ANKEF1: variants seen among roughly 807,000 people sequenced by gnomAD.
ANKEF1 encodes ankyrin repeat and EF-hand domain-containing protein 1.
In ANKEF1, 43 loss-of-function variants were observed where a neutral mutation model predicts 65.1. The observed-to-expected ratio is 0.66, with a 90% CI of 0.52 to 0.85. ANKEF1 has a LOEUF of 0.85. Ranked by LOEUF, ANKEF1 falls within the 40% of genes least tolerant of loss-of-function variation. The pLI is 0.00. For synonymous variants in ANKEF1, 316 were observed against 341.5 expected, an observed-to-expected ratio of 0.93 and a Z score of 0.82; for missense variants, 934 against 952.9, an observed-to-expected ratio of 0.98 and a Z score of 0.26.
intron 6 of ANKEF1, among the ~76,000 whole-genome samples, chr20:10,047,858 T>C (rs141432090): frequency 7.2e-5 from 11 of 152,310 alleles, no homozygotes; most frequent in African/African-American, 2.6e-4. Flanking sequence ...TAAAGTGGGA[T>C]GTTGGAGTCT....
At chr20:10,040,927 T>C (rs1351798626) in intron 3 of ANKEF1, among the ~76,000 whole-genome samples, 2 of 152,200 alleles carry the variant, frequency 1.3e-5, no homozygotes, top group South Asian at 2.1e-4. Context: ...TCTTTGACTT[T>C]CTCTTTTCAA....
Position 10,049,906 on chromosome 20 carries a change from G to A in ANKEF1, c.1337G>A (p.Arg446Gln), listed in dbSNP as rs753092694. ...CVIPEYAFPRRQDGGPPYYMI... is the reference protein window; with the variant it reads ...CVIPEYAFPRQQDGGPPYYMI... ...ATTCCTGAGTACGCGTTTCCACGCC[G>A]GCAGGATGGTGGGCCACCGTATTAC... The change falls in exon 7 of 11, where the codon CGG becomes CAG. Residue 446 changes from arginine to glutamine, a missense_variant. Physicochemically the swap from Arg to Gln is conservative, Grantham distance 43 (BLOSUM62 1). Transcript: ENST00000378392. 1.9e-6 allele frequency: 3 copies of A among 1,614,150 alleles called. No homozygotes were observed. The highest frequency in any genetic ancestry group is 2.5e-6 in the Non-Finnish European group (3 of 1,180,024).
chr20:10,047,863 G>T (rs535016077), intron 6 of ANKEF1, among the ~76,000 whole-genome samples: 1 of 152,324 alleles, frequency 6.6e-6, no homozygotes, highest in Non-Finnish European at 1.5e-5. Flanking sequence ...TGGGATGTTG[G>T]AGTCTTTTAT....
Position 10,057,772 on chromosome 20 carries a change from C to T in ANKEF1, c.*2112C>T, listed in dbSNP as rs1985249897. On this transcript the variant is annotated 3_prime_UTR_variant, in exon 11 of 11. Transcript: ENST00000378392. ...TTAAGTGAACTATTTAATCTATAGA[C>T]CTTATTCAGATTTTGCTATTTATCC... 6.6e-6 allele frequency: 1 copy of T among 152,152 alleles called. No individual in the cohort carries two copies. Among genetic ancestry groups the T allele is most frequent in the Non-Finnish European group, 1.5e-5 (1 of 68,026 alleles). 9.4% of individuals were successfully genotyped at this position (152,152 alleles called of 1,614,324 possible).
Position 10,049,793 on chromosome 20 carries a change from A to G in ANKEF1, c.1224A>G (p.Leu408=), listed in dbSNP as rs1984740066. The change falls in exon 7 of 11, where the codon TTA becomes TTG. Residue 408 remains leucine (L), a synonymous_variant. Transcript: ENST00000378392. ...GATATTTAAACAAGTCTTTTGTCTT[A>G]GGATCGTATGGACCTAAGAAAAAGG... ...GTRYLNKSFV[L]GSYGPKKKEK... 6.2e-7 allele frequency: 1 copy of G among 1,614,072 alleles called. No individual in the cohort carries two copies. The highest frequency in any genetic ancestry group is 1.3e-5 in the African/African-American group (1 of 74,946).
In ANKEF1 at chr20:10,047,514, A is replaced by G. The variant is rs576346764; in HGVS notation, c.820+1817A>G. 1.5e-3 allele frequency among the ~76,000 whole-genome samples: 231 copies of G among 152,306 alleles called. 1 individual carries two copies. Among genetic ancestry groups the G allele is most frequent in the Middle Eastern group, 0.014 (4 of 294 alleles). ...CTTAGTCTCTTCTGTACTTAATTGTAAAGCATTTGTGCTGGCTGGATTCAT... is the reference window on the plus strand; with the variant it reads ...CTTAGTCTCTTCTGTACTTAATTGTGAAGCATTTGTGCTGGCTGGATTCAT... On this transcript the variant is annotated intron_variant, in intron 6 of 10. Transcript: ENST00000378392.
chr20:10,042,777 C>T (rs996098839), intron 3 of ANKEF1, among the ~76,000 whole-genome samples: 34 of 152,140 alleles, frequency 2.2e-4, no homozygotes, highest in African/African-American at 8.2e-4. Context: ...ACCAGTAGCC[C>T]TTTGGCACAC....
At chr20:10,045,447 A>G (rs1600515913) in intron 5 of ANKEF1, 127 bp from the exon 6 acceptor site, 1 of 948,968 alleles carries the variant, frequency 1.1e-6, no homozygotes. Context: ...GTTCATTTCA[A>G]TTTGAATTTT....
chr20:10,035,060 GC>G lies in ANKEF1; in HGVS notation c.-381del, dbSNP rs1983753086. The stretch of plus-strand genomic sequence containing the variant: ...CCCTCCGGCTTCCACCCCGCCCCCT[GC>G]GCTCACCTGCCCGCGCGCTCGCCTT... On this transcript the variant is annotated 5_prime_UTR_variant, in exon 1 of 11. Coordinates refer to ENST00000378392, the MANE Select transcript of ANKEF1 (RefSeq NM_022096.6). The G allele has an allele frequency of 6.5e-6, 1 of 153,666 alleles. No individual in the cohort carries two copies. Among genetic ancestry groups the G allele is most frequent in the African/African-American group, 2.4e-5 (1 of 41,490 alleles). The allele number at this position is 153,666 out of a possible 1,614,324, so 9.5% of individuals were successfully genotyped here.
intron 2 of ANKEF1, among the ~76,000 whole-genome samples, chr20:10,036,716 C>T (rs961159528): frequency 6.6e-6 from 1 of 152,224 alleles, no homozygotes; most frequent in East Asian, 1.9e-4. Flanking sequence ...GTGGTGGGCA[C>T]CTGTAATCCC....
intron 3 of ANKEF1, among the ~76,000 whole-genome samples, chr20:10,041,826 A>C (rs1293570175): frequency 1.3e-5 from 2 of 152,226 alleles, no homozygotes. Context: ...CACTTTTGCC[A>C]TCAAGTAGTT....
In ANKEF1 at chr20:10,058,197, C is replaced by T. The variant is rs141309571; in HGVS notation, c.*2537C>T. 6.6e-6 allele frequency: 1 copy of T among 152,136 alleles called. No individual in the cohort carries two copies. The highest frequency in any genetic ancestry group is 1.9e-4 in the East Asian group (1 of 5,196). The allele number at this position is 152,136 out of a possible 1,614,324, so 9.4% of individuals were successfully genotyped here. Reference sequence around the variant, plus strand: ...ATTAACTGTAGTACATACTGTACAACTGTAATAATTTCATAGCCACCTCCT... The same window carrying T: ...ATTAACTGTAGTACATACTGTACAATTGTAATAATTTCATAGCCACCTCCT... On this transcript the variant is annotated 3_prime_UTR_variant, in exon 11 of 11. Coordinates refer to ENST00000378392, the MANE Select transcript of ANKEF1 (RefSeq NM_022096.6).
intron 3 of ANKEF1, among the ~76,000 whole-genome samples, chr20:10,041,757 A>G (rs1314153099): frequency 6.6e-6 from 1 of 152,176 alleles, no homozygotes; most frequent in African/African-American, 2.4e-5. Flanking sequence ...GGCTAAAGAG[A>G]TTCAGTATTT....
Position 10,055,682 on chromosome 20 carries a change from G to A in ANKEF1, c.*22G>A. On this transcript the variant is annotated 3_prime_UTR_variant, in exon 11 of 11. Transcript: ENST00000378392. The stretch of plus-strand genomic sequence containing the variant: ...CTAAGTCATAGCAGTTATTTCTTGG[G>A]GTAAATGCTTTGAGGCCCAGGGACC... 3 of 1,612,726 alleles carry A rather than the reference G, an allele frequency of 1.9e-6. No individual in the cohort carries two copies. Among genetic ancestry groups the A allele is most frequent in the Non-Finnish European group, 2.5e-6 (3 of 1,179,036 alleles).
rs2122234974 is a variant in ANKEF1 at position 10,043,189 on chromosome 20, T to C, written c.414T>C (p.His138=). The change falls in exon 4 of 11, where the codon CAT becomes CAC. Residue 138 remains histidine (H), a synonymous_variant. Transcript: ENST00000378392. ...HYRCALIALE[H]GADVNNSTYE... ...GCTGTGCTCTGATCGCCCTTGAACATGGTGCAGATGTCAACAATTCTACCT... is the reference window on the plus strand; with the variant it reads ...GCTGTGCTCTGATCGCCCTTGAACACGGTGCAGATGTCAACAATTCTACCT... 1 of 1,614,204 alleles carries C rather than the reference T, an allele frequency of 6.2e-7. No individual in the cohort carries two copies.
At chr20:10,050,564 AAATT>A (rs1401931062) in intron 7 of ANKEF1, among the ~76,000 whole-genome samples, 4 of 152,092 alleles carry the variant, frequency 2.6e-5, no homozygotes, top group Admixed American at 2.0e-4. Context: ...AGCCTATAAT[AAATT>A]AATTAAGCCT....
intron 2 of ANKEF1, among the ~76,000 whole-genome samples, chr20:10,037,089 T>C (rs960280141): frequency 6.6e-6 from 1 of 152,158 alleles, no homozygotes; most frequent in Admixed American, 6.5e-5. Context: ...GGGAGCAGGC[T>C]TGCGATGGAG....
At chr20:10,042,689 C>T (rs780829930) in intron 3 of ANKEF1, among the ~76,000 whole-genome samples, 1 of 152,236 alleles carries the variant, frequency 6.6e-6, no homozygotes. Context: ...TTCTTACAAA[C>T]ATGGTCAGTC....
At position 10,053,250 on chromosome 20, in the gene ANKEF1, A is replaced by C. The variant is rs1984970055; in HGVS notation, c.2009A>C (p.Glu670Ala). Reference sequence around the variant, plus strand: ...AAGACACCTCCTATACTGAAGACTGAAGGCCCTGAAATTAAGAAAGAAGAG... The same window carrying C: ...AAGACACCTCCTATACTGAAGACTGCAGGCCCTGAAATTAAGAAAGAAGAG... Reference protein sequence around the residue: ...KGKTPPILKTEGPEIKKEEEL... With the variant: ...KGKTPPILKTAGPEIKKEEEL... The change falls in exon 9 of 11, where the codon GAA (glutamate) becomes GCA (alanine). Residue 670 changes from glutamate to alanine, a missense_variant. Physicochemically the swap from Glu to Ala is moderately radical, Grantham distance 107 (BLOSUM62 -1). Coordinates refer to ENST00000378392, the MANE Select transcript of ANKEF1 (RefSeq NM_022096.6). 6.3e-7 allele frequency: 1 copy of C among 1,595,792 alleles called. No homozygotes were observed. The highest frequency in any genetic ancestry group is 8.5e-7 in the Non-Finnish European group (1 of 1,175,408).
Sources: allele counts gnomAD v4.1 joint callset (sites outside exome capture counted in the v4.1 genomes callset), GRCh38; gene constraint gnomAD v4.1.1; transcripts MANE v1.5; gene names NCBI Gene and HGNC (gene_info 2026-07-23, HGNC 2026-07-21).